RBMS3: variants seen among roughly 807,000 people sequenced by gnomAD.
The protein encoded by RBMS3 is RNA binding motif single stranded interacting protein 3, also known as RNA-binding motif, single-stranded-interacting protein 3.
RBMS3 carries 27 observed loss-of-function variants against 66.8 expected under a neutral mutation model. That is an observed-to-expected ratio of 0.40 (90% CI 0.30 to 0.56). The LOEUF is 0.56. Ranked by LOEUF, RBMS3 falls within the 20% of genes least tolerant of loss-of-function variation. The pLI is 0.40. For synonymous variants in RBMS3, 188 were observed against 183.0 expected, an observed-to-expected ratio of 1.03 and a Z score of -0.22; for missense variants, 513 against 549.5, an observed-to-expected ratio of 0.93 and a Z score of 0.66.
intron 6 of RBMS3, among the ~76,000 whole-genome samples, chr3:29,855,998 T>C (rs997276368): frequency 6.6e-6 from 1 of 152,312 alleles, no homozygotes; most frequent in East Asian, 1.9e-4. Context: ...AGCTGAGGTG[T>C]TCCACAGATA....
chr3:29,983,239 CTT>C (rs576048110), intron 12 of RBMS3, among the ~76,000 whole-genome samples: 8 of 136,186 alleles, frequency 5.9e-5, no homozygotes, highest in Non-Finnish European at 3.2e-5. Flanking sequence ...CCCCCGCCCC[CTT>C]TTTTTTTTTT....
At chr3:29,974,285 A>G (rs1334190668) in intron 12 of RBMS3, among the ~76,000 whole-genome samples, 2 of 151,942 alleles carry the variant, frequency 1.3e-5, no homozygotes, top group Non-Finnish European at 2.9e-5. Flanking sequence ...ATCTTGCTTC[A>G]TATATAGAAA....
At chr3:29,967,851 CTCTTCTT>C (rs1190847134) in intron 12 of RBMS3, among the ~76,000 whole-genome samples, 4 of 152,070 alleles carry the variant, frequency 2.6e-5, no homozygotes, top group Non-Finnish European at 4.4e-5. Flanking sequence ...TGGATTTTCT[CTCTTCTT>C]TTCTTGGTTA....
At chr3:29,972,589 A>G (rs1243219866) in intron 12 of RBMS3, among the ~76,000 whole-genome samples, 2 of 152,124 alleles carry the variant, frequency 1.3e-5, no homozygotes, top group African/African-American at 4.8e-5. Context: ...TTAAAAAATA[A>G]TATCACTGAC....
chr3:29,848,993 G>A (rs2058859375), intron 6 of RBMS3, among the ~76,000 whole-genome samples: 1 of 152,154 alleles, frequency 6.6e-6, no homozygotes, highest in South Asian at 2.1e-4. Flanking sequence ...AAATCACAAA[G>A]GATATTTTTG....
chr3:29,761,742 G>GAA (rs1014374733), intron 5 of RBMS3, among the ~76,000 whole-genome samples: 1 of 152,090 alleles, frequency 6.6e-6, no homozygotes, highest in Non-Finnish European at 1.5e-5. Flanking sequence ...TTAGATGTAG[G>GAA]AAAGTTTTAC....
chr3:29,372,581 C>G (rs2038261747), intron 1 of RBMS3, among the ~76,000 whole-genome samples: 1 of 151,940 alleles, frequency 6.6e-6, no homozygotes, highest in African/African-American at 2.4e-5. Flanking sequence ...AGCCAATAAG[C>G]AACCAAATAA....
intron 2 of RBMS3, among the ~76,000 whole-genome samples, chr3:29,463,078 G>T (rs888327994): frequency 6.6e-6 from 1 of 152,184 alleles, no homozygotes; most frequent in Non-Finnish European, 1.5e-5. Context: ...ATTTTAAAGA[G>T]ATCTGATTTA....
intron 6 of RBMS3, among the ~76,000 whole-genome samples, chr3:29,864,937 AGAGGAAGGAG>A (rs1294755182): frequency 3.7e-5 from 4 of 109,030 alleles, no homozygotes; most frequent in African/African-American, 7.5e-5. Context: ...GAAGAGAGAG[AGAGGAAGGAG>A]GGAAGGAAGG....
intron 4 of RBMS3, among the ~76,000 whole-genome samples, chr3:29,599,680 A>C (rs567304411): frequency 6.6e-6 from 1 of 152,252 alleles, no homozygotes; most frequent in East Asian, 1.9e-4. Flanking sequence ...ACAAACATTC[A>C]TGTAGCAGGG....
At chr3:29,455,259 G>T (rs1046660136) in intron 2 of RBMS3, among the ~76,000 whole-genome samples, 2 of 152,118 alleles carry the variant, frequency 1.3e-5, no homozygotes, top group African/African-American at 4.8e-5. Context: ...TTAGCCTGAG[G>T]ATTCTGAAAG....
At chr3:29,498,876 TG>T (rs1409663362) in intron 3 of RBMS3, among the ~76,000 whole-genome samples, 1 of 152,180 alleles carries the variant, frequency 6.6e-6, no homozygotes, top group African/African-American at 2.4e-5. Context: ...GTGTGTTTTA[TG>T]AATTGACTTG....
rs552891946 is a variant in RBMS3 at position 29,558,842 on chromosome 3, A to C, written c.308-28272A>C. Among the ~76,000 whole-genome samples the C allele has an allele frequency of 3.9e-5, 6 of 152,322 alleles. No individual in the cohort carries two copies. The East Asian group carries it at 1.2e-3, about 29-fold the overall frequency. On this transcript the variant is annotated intron_variant, in intron 3 of 14. Transcript: ENST00000383767. ...CTAAGTTCCCAGGTGATGCTGATGT[A>C]GCTAGTACCAGAATCACACATTGAG...
intron 6 of RBMS3, among the ~76,000 whole-genome samples, chr3:29,809,149 T>G (rs1359474995): frequency 6.6e-6 from 1 of 151,786 alleles, no homozygotes; most frequent in Non-Finnish European, 1.5e-5. Flanking sequence ...ATTGTTGTGA[T>G]CTCAGATTTT....
intron 4 of RBMS3, among the ~76,000 whole-genome samples, chr3:29,733,420 TTA>T (rs1485421301): frequency 6.6e-6 from 1 of 152,114 alleles, no homozygotes; most frequent in Non-Finnish European, 1.5e-5. Flanking sequence ...GTTAGTATTT[TTA>T]GTTTTCTGAG....
At chr3:29,683,485 G>GA in intron 4 of RBMS3, among the ~76,000 whole-genome samples, 1 of 152,190 alleles carries the variant, frequency 6.6e-6, no homozygotes, top group African/African-American at 2.4e-5. Flanking sequence ...AAGGCAAAGA[G>GA]AAAAAACAAC....
intron 6 of RBMS3, among the ~76,000 whole-genome samples, chr3:29,825,443 A>G (rs1209578243): frequency 6.6e-6 from 1 of 152,014 alleles, no homozygotes; most frequent in Admixed American, 6.6e-5. Context: ...CCTAATCCCC[A>G]TGTGTTGTGG....
At chr3:29,592,718 T>A (rs1374614342) in intron 4 of RBMS3, among the ~76,000 whole-genome samples, 1 of 152,076 alleles carries the variant, frequency 6.6e-6, no homozygotes, top group Non-Finnish European at 1.5e-5. Flanking sequence ...CATATCTTTA[T>A]TGCGGCACTA....
At chr3:29,648,261 C>CTTTTTT (rs1576434694) in intron 4 of RBMS3, among the ~76,000 whole-genome samples, 20 of 88,114 alleles carry the variant, frequency 2.3e-4, no homozygotes, top group South Asian at 4.0e-4. Flanking sequence ...TAGAAAATGT[C>CTTTTTT]TATTTTTTTT....
Sources: gnomAD v4.1 joint callset for allele counts (sites outside exome capture counted in the v4.1 genomes callset) on GRCh38, gnomAD v4.1.1 for gene constraint, MANE v1.5 for transcripts, NCBI Gene and HGNC (gene_info 2026-07-23, HGNC 2026-07-21) for gene names.